SPEG: variants seen among roughly 807,000 people sequenced by gnomAD.
The protein encoded by SPEG is striated muscle enriched protein kinase.
A neutral mutation model predicts 300.4 loss-of-function variants in SPEG; 114 were observed. That is an observed-to-expected ratio of 0.38 (90% CI 0.33 to 0.44). SPEG has a LOEUF of 0.44. Among genes scored for constraint, SPEG ranks in the 20% least tolerant of loss-of-function variants. SPEG has a pLI of 1.00. For missense variants in SPEG, 4,201 were observed against 4,586.2 expected (o/e 0.92, Z 2.43); for synonymous variants, 1,964 against 2,018.9 (o/e 0.97, Z 0.73).
intron 1 of SPEG, chr2:219,442,113 G>C: frequency 1.7e-6 from 2 of 1,181,484 alleles, no homozygotes; most frequent in Non-Finnish European, 2.1e-6. Flanking sequence ...GCGGCGCCGG[G>C]AGGGGGCAGG....
rs1000527240 is a variant in SPEG at position 219,478,059 on chromosome 2, C to T, written c.4981C>T (p.His1661Tyr). 1.9e-6 allele frequency: 3 copies of T among 1,614,238 alleles called. No homozygotes were observed. The highest frequency in any genetic ancestry group is 8.5e-7 in the Non-Finnish European group (1 of 1,180,050). The change falls in exon 22 of 41, where the codon CAT becomes TAT. Residue 1661 changes from histidine (H) to tyrosine (Y), a missense_variant. Coordinates refer to ENST00000312358, the MANE Select transcript of SPEG (RefSeq NM_005876.5). ...CCAGCACGACTGTGTCCTCTACTTC[C>T]ATGAGGCCTTCGAGAGGCGCCGGGG... ...RLQHDCVLYF[H>Y]EAFERRRGLV...
intron 6 of SPEG, among the ~76,000 whole-genome samples, chr2:219,454,284 C>T (rs1690003649): frequency 6.6e-6 from 1 of 152,194 alleles, no homozygotes; most frequent in African/African-American, 2.4e-5. Flanking sequence ...GGAGCTGGTC[C>T]TCACCAGCTC....
intron 40 of SPEG, 62 bp from the exon 41 acceptor site, chr2:219,492,532 C>T (rs1694069410): frequency 1.3e-6 from 2 of 1,554,662 alleles, no homozygotes; most frequent in South Asian, 2.2e-5. Flanking sequence ...TGCGGGAGGA[C>T]AGAGCCCCGG....
Position 219,449,016 on chromosome 2 carries a change from G to C in SPEG, c.1858G>C (p.Glu620Gln). 6.6e-7 allele frequency: 1 copy of C among 1,510,288 alleles called. No homozygotes were observed. The highest frequency in any genetic ancestry group is 8.8e-7 in the Non-Finnish European group (1 of 1,130,314). The allele number at this position is 1,510,288 out of a possible 1,614,324, so 93.6% of individuals were successfully genotyped here. A position where few individuals can be genotyped will look rare whatever the true frequency, so the allele number is the denominator to read the frequency against. The change falls in exon 4 of 41, where the codon GAG becomes CAG. Residue 620 changes from glutamate (E) to glutamine (Q), a missense_variant. Coordinates refer to ENST00000312358, the MANE Select transcript of SPEG (RefSeq NM_005876.5). ...PVPPPAADPP[E>Q]ARTKAPPGRK... ...GCCGCCCCCCGCCGCCGATCCCCCA[G>C]AGGCCAGGACGAAAGCACCCCCCGG...
At chr2:219,438,053 G>T (rs1259780975) in intron 1 of SPEG, among the ~76,000 whole-genome samples, 1 of 152,120 alleles carries the variant, frequency 6.6e-6, no homozygotes, top group Non-Finnish European at 1.5e-5. Context: ...AAGGATTTGG[G>T]CATGGCTCTG....
intron 30 of SPEG, 30 bp downstream of exon 30, chr2:219,485,102 T>G (rs1575177874): frequency 6.6e-7 from 1 of 1,525,840 alleles, no homozygotes; most frequent in South Asian, 1.2e-5. Context: ...GGGCAGCAGG[T>G]GCAGAGGAGG....
At chr2:219,455,660 C>A (rs902981115) in intron 6 of SPEG, among the ~76,000 whole-genome samples, 1 of 152,052 alleles carries the variant, frequency 6.6e-6, no homozygotes, top group East Asian at 1.9e-4. Flanking sequence ...TGAAGAAGTT[C>A]GAGGTTGAGG....
chr2:219,472,590 C>T (rs930868303), intron 15 of SPEG, among the ~76,000 whole-genome samples: 16 of 152,146 alleles, frequency 1.1e-4, no homozygotes, highest in African/African-American at 2.9e-4. Flanking sequence ...TTGCAAATGC[C>T]CTCTCCTCGT....
intron 38 of SPEG, 22 bp downstream of exon 38, chr2:219,490,978 C>T (rs1254244838): frequency 1.3e-6 from 2 of 1,595,336 alleles, no homozygotes; most frequent in Non-Finnish European, 1.7e-6. Context: ...AGCTGCCAGC[C>T]AGGGTGGGGA....
intron 9 of SPEG, chr2:219,466,122 G>T: frequency 6.3e-7 from 1 of 1,579,522 alleles, no homozygotes; most frequent in African/African-American, 1.3e-5. Context: ...CCTGTCTCAG[G>T]CACCTCTCGG....
rs1954805434 is a variant in SPEG, at chr2:219,439,598, G to T, written c.388+4233G>T. On this transcript the variant is annotated intron_variant, in intron 1 of 40. Coordinates refer to ENST00000312358, the MANE Select transcript of SPEG (RefSeq NM_005876.5). The surrounding 1 kb of genome is among the most constrained non-coding windows in gnomAD (Gnocchi z 4.5). The stretch of plus-strand genomic sequence containing the variant: ...AGAAATTGGAAGTCTGGGTTTGGGG[G>T]AGTGGCAGGGAGACACAGCTGCCCA... 6.6e-6 allele frequency among the ~76,000 whole-genome samples: 1 copy of T among 152,212 alleles called. No individual in the cohort carries two copies. Among genetic ancestry groups the T allele is most frequent in the Non-Finnish European group, 1.5e-5 (1 of 68,010 alleles).
intron 15 of SPEG, 71 bp downstream of exon 15, chr2:219,472,402 TG>T: frequency 1.5e-6 from 2 of 1,358,420 alleles, no homozygotes; most frequent in Non-Finnish European, 2.1e-6. Context: ...CAGGACACCA[TG>T]GGGGCCAGGC....
intron 6 of SPEG, among the ~76,000 whole-genome samples, chr2:219,452,927 A>G (rs1381826646): frequency 6.6e-6 from 1 of 152,124 alleles, no homozygotes; most frequent in Non-Finnish European, 1.5e-5. Context: ...CTTTGGTTGC[A>G]CGGTCTGGCT....
chr2:219,443,380 G>T lies in SPEG; in HGVS notation c.389-1273G>T, dbSNP rs1354442269. 1.0e-5 allele frequency: 6 copies of T among 584,830 alleles called. No individual in the cohort carries two copies. Among genetic ancestry groups the T allele is most frequent in the Non-Finnish European group, 1.9e-5 (6 of 323,880 alleles). 36.2% of individuals were successfully genotyped at this position (584,830 alleles called of 1,614,324 possible). On this transcript the variant is annotated intron_variant, in intron 1 of 40. Coordinates refer to ENST00000312358, the MANE Select transcript of SPEG (RefSeq NM_005876.5). This position sits in a 1 kb window ranked among gnomAD's most constrained non-coding sequence, Gnocchi z 4.6. ...ACTAGCACACCCCTGCATGGACTGG[G>T]TGCCCTGTTCTCCATGTGAGGCCTA...
chr2:219,490,026 C>T (rs1693817226), intron 36 of SPEG, 87 bp downstream of exon 36: 1 of 1,466,784 alleles, frequency 6.8e-7, no homozygotes, highest in Non-Finnish European at 9.2e-7. Flanking sequence ...ACCAGACTGT[C>T]CTGGCTGGGG....
chr2:219,450,803 C>T (rs3755059), intron 4 of SPEG: 84,717 of 190,196 alleles, frequency 0.45, 20,970 homozygotes, highest in East Asian at 0.65. Context: ...GGGCCTGGTA[C>T]GCCATACATG....
In SPEG at chr2:219,473,181, C is replaced by G. The variant is rs1341318582; in HGVS notation, c.4147+85C>G. ...CCTGTGGTGGAGGCTCAAGGGATGG[C>G]CTGGACATGGTAACTGGCAGGAGCA... On this transcript the variant is annotated intron_variant, in intron 16 of 40. Transcript: ENST00000312358. The surrounding 1 kb of genome is among the most constrained non-coding windows in gnomAD (Gnocchi z 4.6). The G allele has an allele frequency of 7.5e-7, 1 of 1,334,554 alleles. No individual in the cohort carries two copies. The highest frequency in any genetic ancestry group is 1.4e-5 in the African/African-American group (1 of 69,052). 82.7% of individuals were successfully genotyped at this position (1,334,554 alleles called of 1,614,324 possible). A position where few individuals can be genotyped will look rare whatever the true frequency, so the allele number is the denominator to read the frequency against.
rs1396498083 is a variant in SPEG at position 219,448,608 on chromosome 2, C to T, written c.1450C>T (p.Arg484Cys). 1 of 1,474,418 alleles carries T rather than the reference C, an allele frequency of 6.8e-7. No homozygotes were observed. The allele number at this position is 1,474,418 out of a possible 1,614,324, so 91.3% of individuals were successfully genotyped here. A position where few individuals can be genotyped will look rare whatever the true frequency, so the allele number is the denominator to read the frequency against. Residue 484 changes from arginine (R) to cysteine (C), a missense_variant, in exon 4 of 41, where the codon CGC becomes TGC. Physicochemically the swap from Arg to Cys is radical, Grantham distance 180. Coordinates refer to ENST00000312358, the MANE Select transcript of SPEG (RefSeq NM_005876.5). Reference protein sequence around the residue: ...AASLDERTRQRSPASDLELRF... With the variant: ...AASLDERTRQCSPASDLELRF... Reference sequence around the variant, plus strand: ...CTCGCTGGACGAGCGCACGCGTCAGCGCAGCCCGGCCTCAGACCTCGAGCT... The same window carrying T: ...CTCGCTGGACGAGCGCACGCGTCAGTGCAGCCCGGCCTCAGACCTCGAGCT...
rs1689793201 is a variant in SPEG, at chr2:219,451,947, C to G, written c.2440+140C>G. 1.1e-6 allele frequency: 1 copy of G among 892,216 alleles called. No individual in the cohort carries two copies. Among genetic ancestry groups the G allele is most frequent in the African/African-American group, 1.7e-5 (1 of 57,990 alleles). The allele number at this position is 892,216 out of a possible 1,614,324, so 55.3% of individuals were successfully genotyped here. A position where few individuals can be genotyped will look rare whatever the true frequency, so the allele number is the denominator to read the frequency against. On this transcript the variant is annotated intron_variant, in intron 6 of 40. Coordinates refer to ENST00000312358, the MANE Select transcript of SPEG (RefSeq NM_005876.5). The surrounding 1 kb of genome is among the most constrained non-coding windows in gnomAD (Gnocchi z 6.4). ...GCATACTTAGTCCATGCAGTCCCTT[C>G]TGGGTGTCGGCAGCTTTGGTGAAAG...
Sources: allele counts gnomAD v4.1 joint callset (sites outside exome capture counted in the v4.1 genomes callset), GRCh38; gene constraint gnomAD v4.1.1; non-coding constraint Gnocchi (gnomAD v3.1); transcripts MANE v1.5; gene names NCBI Gene and HGNC (gene_info 2026-07-23, HGNC 2026-07-21).